The following TENM2 variants were observed in gnomAD, a reference collection of about 807,000 sequenced individuals.
TENM2 encodes teneurin transmembrane protein 2.
TENM2 carries 52 observed loss-of-function variants against 245.2 expected under a neutral mutation model. The observed-to-expected ratio is 0.21, with a 90% CI of 0.17 to 0.27. The LOEUF is 0.27. Ranked by LOEUF, TENM2 falls within the 10% of genes least tolerant of loss-of-function variation. The pLI is 1.00. For synonymous variants in TENM2, 1,363 were observed against 1,438.9 expected (o/e 0.95, Z 1.19); for missense variants, 3,046 against 3,666.8 (o/e 0.83, Z 4.37).
At chr5:167,127,956 CCCCTCA>C in the TENM2 span, among the ~76,000 whole-genome samples, 36 of 152,192 alleles carry the variant, frequency 2.4e-4, no homozygotes, top group African/African-American at 8.4e-4. Context: ...GTGTCTCAAC[CCCCTCA>C]CCCTGTGGCC....
chr5:167,445,797 T>G (rs995600592), intron 2 of TENM2, among the ~76,000 whole-genome samples: 13 of 152,102 alleles, frequency 8.5e-5, no homozygotes, highest in Non-Finnish European at 2.9e-5. Flanking sequence ...ATGGTGTAAC[T>G]GCCCAAACCG....
intron 2 of TENM2, among the ~76,000 whole-genome samples, chr5:167,865,298 T>G (rs1278477449): frequency 6.6e-6 from 1 of 152,126 alleles, no homozygotes; most frequent in Non-Finnish European, 1.5e-5. Context: ...ATTTATTTTT[T>G]TGTAGAGTGT....
At position 167,425,381 on chromosome 5, in the gene TENM2, GAT is replaced by G. The variant is rs139246376; in HGVS notation, c.502+49910_502+49911del. On this transcript the variant is annotated intron_variant, in intron 2 of 28. Transcript: ENST00000518659. Reference sequence around the variant, plus strand: ...TGGCACCTTCGTTTGTAAGTGTGGAGATAACACCCAGCTCCTAGGATGGCCTT... The same window carrying G: ...TGGCACCTTCGTTTGTAAGTGTGGAGAACACCCAGCTCCTAGGATGGCCTT... 1.3e-3 allele frequency among the ~76,000 whole-genome samples: 193 copies of G among 152,294 alleles called. 3 individuals are homozygous for G. The East Asian group carries it at 0.035, about 28-fold the overall frequency.
the TENM2 span, among the ~76,000 whole-genome samples, chr5:167,262,362 A>AC: frequency 6.6e-6 from 1 of 151,754 alleles, no homozygotes; most frequent in South Asian, 2.1e-4. Flanking sequence ...CCATCTCAAA[A>AC]AAAAAAAAAA....
intron 2 of TENM2, among the ~76,000 whole-genome samples, chr5:167,662,902 T>A (rs1451690800): frequency 6.6e-6 from 1 of 152,150 alleles, no homozygotes; most frequent in African/African-American, 2.4e-5. Flanking sequence ...GTAGACACAG[T>A]CAAGTTTGAG....
chr5:167,644,980 C>T (rs893317945), intron 2 of TENM2, among the ~76,000 whole-genome samples: 2 of 152,162 alleles, frequency 1.3e-5, no homozygotes, highest in African/African-American at 4.8e-5. Context: ...AGGCTGCACA[C>T]CTGTACAGCA....
intron 2 of TENM2, among the ~76,000 whole-genome samples, chr5:167,556,434 A>ATG (rs1266074915): frequency 2.0e-5 from 3 of 150,052 alleles, no homozygotes; most frequent in Non-Finnish European, 3.0e-5. Flanking sequence ...ATATATATAT[A>ATG]TATATGTATC....
At chr5:167,421,596 G>A (rs1005315089) in intron 2 of TENM2, among the ~76,000 whole-genome samples, 15 of 152,124 alleles carry the variant, frequency 9.9e-5, no homozygotes, top group Non-Finnish European at 1.8e-4. Context: ...GGACGTTGGC[G>A]ACTAATAAAC....
chr5:168,226,522 A>T (rs1764203227), intron 24 of TENM2, among the ~76,000 whole-genome samples: 1 of 152,046 alleles, frequency 6.6e-6, no homozygotes. Context: ...TTATCTGAAA[A>T]TGTCCATTTC....
intron 2 of TENM2, among the ~76,000 whole-genome samples, chr5:167,790,462 T>G (rs1166003675): frequency 1.3e-5 from 2 of 152,186 alleles, no homozygotes; most frequent in Non-Finnish European, 2.9e-5. Flanking sequence ...CTTCTCCAAC[T>G]GCCAGAACAT....
At chr5:167,472,274 G>A (rs1435222801) in intron 2 of TENM2, among the ~76,000 whole-genome samples, 1 of 151,960 alleles carries the variant, frequency 6.6e-6, no homozygotes, top group Non-Finnish European at 1.5e-5. Context: ...CTCCCTGAAG[G>A]GTTTTCACCA....
intron 2 of TENM2, among the ~76,000 whole-genome samples, chr5:167,646,204 T>TATATATATATATATGTTGTTTTC (rs1779946193): frequency 4.7e-5 from 6 of 127,906 alleles, no homozygotes; most frequent in African/African-American, 2.3e-4. Flanking sequence ...TGTTTTCATA[T>TATATATATATATATGTTGTTTTC]ATATATATAT....
chr5:167,614,200 T>A (rs1209184437), intron 2 of TENM2, among the ~76,000 whole-genome samples: 1 of 152,152 alleles, frequency 6.6e-6, no homozygotes, highest in East Asian at 1.9e-4. Context: ...AGTACCTGAC[T>A]TTTATGAGAA....
chr5:168,095,528 G>A (rs571401834), intron 8 of TENM2, among the ~76,000 whole-genome samples: 1 of 152,198 alleles, frequency 6.6e-6, no homozygotes, highest in South Asian at 2.1e-4. Context: ...CTCCATCTCA[G>A]TATCTTATTC....
intron 13 of TENM2, among the ~76,000 whole-genome samples, chr5:168,183,110 G>C (rs930451869): frequency 6.6e-6 from 1 of 152,120 alleles, no homozygotes; most frequent in African/African-American, 2.4e-5. Context: ...GATTACAGGC[G>C]TGAGCCACCG....
intron 2 of TENM2, among the ~76,000 whole-genome samples, chr5:167,772,600 A>C (rs1440410269): frequency 6.6e-6 from 1 of 151,766 alleles, no homozygotes. Context: ...TTCTTTGAAT[A>C]AAACACTTAC....
chr5:167,742,344 A>G (rs1358380958), intron 2 of TENM2, among the ~76,000 whole-genome samples: 3 of 151,180 alleles, frequency 2.0e-5, no homozygotes, highest in Non-Finnish European at 4.4e-5. Context: ...CATATTATTT[A>G]ACCCAACCTC....
In TENM2 at chr5:167,403,397, A is replaced by G. The variant is rs141196401; in HGVS notation, c.502+27924A>G. Among the ~76,000 whole-genome samples the G allele has an allele frequency of 2.8e-3, 430 of 152,224 alleles. 1 individual carries two copies. The highest frequency in any genetic ancestry group is 0.015 in the East Asian group (80 of 5,164). ...CATAGCTTACTTATGCTATGCTAAT[A>G]TATTTGCCATAGGCAAGAAGTACTC... On this transcript the variant is annotated intron_variant, in intron 2 of 28. Coordinates refer to ENST00000518659, the Ensembl canonical transcript of TENM2.
chr5:167,254,406 T>A, the TENM2 span, among the ~76,000 whole-genome samples: 2 of 152,118 alleles, frequency 1.3e-5, no homozygotes, highest in Admixed American at 1.3e-4. Context: ...GGAGATGAAA[T>A]GTTAGCTCTC....
Sources: gnomAD v4.1 joint callset for allele counts (sites outside exome capture counted in the v4.1 genomes callset) on GRCh38, gnomAD v4.1.1 for gene constraint, MANE v1.5 for transcripts, NCBI Gene and HGNC (gene_info 2026-07-23, HGNC 2026-07-21) for gene names.